Variants in GALNT2 observed in about 807,000 individuals in gnomAD.
GALNT2 encodes UDP-GalNAc:polypeptide N-acetylgalactosaminyltransferase 2.
GALNT2 carries 31 observed loss-of-function variants against 81.4 expected under a neutral mutation model. The ratio of observed to expected loss-of-function variants is 0.38; its 90% CI spans 0.29 to 0.51. The LOEUF (loss-of-function observed/expected upper bound fraction) is 0.51. Among genes scored for constraint, GALNT2 ranks in the 20% least tolerant of loss-of-function variants. The pLI, the probability that GALNT2 is intolerant of heterozygous loss-of-function variation, is 0.87. For missense variants in GALNT2, 629 were observed against 765.7 expected, an observed-to-expected ratio of 0.82 and a Z score of 2.11; for synonymous variants, 303 against 287.4, an observed-to-expected ratio of 1.05 and a Z score of -0.55.
At chr1:230,206,692 C>T (rs1313076134) in intron 3 of GALNT2, among the ~76,000 whole-genome samples, 1 of 152,166 alleles carries the variant, frequency 6.6e-6, no homozygotes, top group Non-Finnish European at 1.5e-5. Flanking sequence ...GAAATTCTTG[C>T]ACAGTAGAAT....
At chr1:230,262,212 A>C in intron 11 of GALNT2, 1 of 206,796 alleles carries the variant, frequency 4.8e-6, no homozygotes. Flanking sequence ...GTGGACGCGT[A>C]ATGTGAGAGT....
At chr1:230,176,132 G>A (rs1053406938) in intron 1 of GALNT2, among the ~76,000 whole-genome samples, 3 of 152,218 alleles carry the variant, frequency 2.0e-5, no homozygotes, top group Non-Finnish European at 4.4e-5. Flanking sequence ...TAGTTTTATA[G>A]TAGGCATCGT....
intron 1 of GALNT2, among the ~76,000 whole-genome samples, chr1:230,089,206 G>C (rs192048835): frequency 1.9e-4 from 29 of 151,256 alleles, no homozygotes; most frequent in African/African-American, 6.6e-4. Context: ...GAGTGCAATG[G>C]TGTGATCTCG....
At chr1:230,185,630 G>C (rs1216053105) in intron 2 of GALNT2, among the ~76,000 whole-genome samples, 3 of 152,190 alleles carry the variant, frequency 2.0e-5, no homozygotes, top group Non-Finnish European at 4.4e-5. Flanking sequence ...TTTAGTCCCT[G>C]TTTAAATAGT....
At chr1:230,063,880 G>A (rs957594287), upstream of GALNT2, among the ~76,000 whole-genome samples, 3 of 152,164 alleles carry the variant, frequency 2.0e-5, no homozygotes, top group African/African-American at 4.8e-5. Flanking sequence ...ATTTTAAAGG[G>A]TGAACTGAGC....
chr1:230,114,403 C>T (rs557223515), intron 1 of GALNT2, among the ~76,000 whole-genome samples: 1 of 152,296 alleles, frequency 6.6e-6, no homozygotes, highest in East Asian at 1.9e-4. Flanking sequence ...ATTTCACTGG[C>T]GAAATTCAGT....
chr1:230,213,727 G>A lies in GALNT2; in HGVS notation c.374+10437G>A, dbSNP rs149006535. 3.3e-3 allele frequency among the ~76,000 whole-genome samples: 501 copies of A among 152,170 alleles called. 4 individuals are homozygous for A. Among genetic ancestry groups the A allele is most frequent in the African/African-American group, 0.012 (480 of 41,522 alleles). On this transcript the variant is annotated intron_variant, in intron 3 of 15. Coordinates refer to ENST00000366672, the MANE Select transcript of GALNT2 (RefSeq NM_004481.5). ...TTCTTTTTCCCTTGCATCCTCCTAC[G>A]TTTTTTCTTCTCTGTTGGTTTGCTA...
Position 230,280,348 on chromosome 1 carries a change from C to T in GALNT2, c.*890C>T. 1 of 266,470 alleles carries T rather than the reference C, an allele frequency of 3.8e-6. No individual in the cohort carries two copies. Among genetic ancestry groups the T allele is most frequent in the Non-Finnish European group, 7.5e-6 (1 of 133,146 alleles). The allele number at this position is 266,470 out of a possible 1,614,324, so 16.5% of individuals were successfully genotyped here. A position where few individuals can be genotyped will look rare whatever the true frequency, so the allele number is the denominator to read the frequency against. On this transcript the variant is annotated 3_prime_UTR_variant, in exon 16 of 16. Coordinates refer to ENST00000366672, the MANE Select transcript of GALNT2 (RefSeq NM_004481.5). ...AGAGTCCCTACTGTGCGTCAGAATC[C>T]ACCTTGCGTGCTGTGCGTATCTGTG...
Position 230,275,028 on chromosome 1 carries a change from G to A in GALNT2, c.1560+464G>A, listed in dbSNP as rs576890411. 7.0e-4 allele frequency among the ~76,000 whole-genome samples: 102 copies of A among 145,414 alleles called. No homozygotes were observed. Among genetic ancestry groups the A allele is most frequent in the Middle Eastern group, 4.1e-3 (1 of 246 alleles). On this transcript the variant is annotated intron_variant, in intron 15 of 15. Transcript: ENST00000366672. This position sits in a 1 kb window ranked among gnomAD's most constrained non-coding sequence, Gnocchi z 5.5. The stretch of plus-strand genomic sequence containing the variant: ...ATGCCACATATATACATATATACAC[G>A]CCACATATATACACATATATACATG...
In GALNT2 at chr1:230,279,271, C is replaced by A. The variant is rs1437693732; in HGVS notation, c.1561-32C>A. ...CTGTTTGTACTCCTTTGCTTGTGCC[C>A]ACACTCTAAGGCACTCTCCTGTGTC... On this transcript the variant is annotated intron_variant, in intron 15 of 15. Transcript: ENST00000366672. This position sits in a 1 kb window ranked among gnomAD's most constrained non-coding sequence, Gnocchi z 4.6. 1.9e-6 allele frequency: 3 copies of A among 1,595,806 alleles called. No individual in the cohort carries two copies. The highest frequency in any genetic ancestry group is 1.7e-6 in the Non-Finnish European group (2 of 1,167,044).
At chr1:230,150,167 T>A (rs545116742) in intron 1 of GALNT2, among the ~76,000 whole-genome samples, 9 of 152,336 alleles carry the variant, frequency 5.9e-5, no homozygotes, top group African/African-American at 2.2e-4. Flanking sequence ...AGACATGCAC[T>A]GGCTCCGCCC....
intron 2 of GALNT2, among the ~76,000 whole-genome samples, chr1:230,200,795 C>A (rs1663868250): frequency 1.3e-5 from 2 of 152,308 alleles, no homozygotes; most frequent in South Asian, 4.1e-4. Context: ...TGAAACCTCT[C>A]TCGGGTGGTG....
At chr1:230,177,922 CAA>C (rs1057192757) in intron 1 of GALNT2, among the ~76,000 whole-genome samples, 1 of 152,204 alleles carries the variant, frequency 6.6e-6, no homozygotes, top group Admixed American at 6.5e-5. Context: ...CACAAATCCC[CAA>C]AGCCCTGGGA....
At position 230,269,203 on chromosome 1, in the gene GALNT2, TGAGACGGAGTTTGGCTGTG is replaced by T. The variant is rs1666110192; in HGVS notation, c.1440+3837_1440+3855del. 3.4e-5 allele frequency among the ~76,000 whole-genome samples: 5 copies of T among 148,322 alleles called. No homozygotes were observed. The South Asian group carries it at 1.1e-3, about 32-fold the overall frequency. On this transcript the variant is annotated intron_variant, in intron 14 of 15. Coordinates refer to ENST00000366672, the MANE Select transcript of GALNT2 (RefSeq NM_004481.5). ...GTTGCCCAGGCTTTTTTTTTTTTTTTGAGACGGAGTTTGGCTGTGTTGCCCAGGCTGGAGTGCAGTGGTG... is the reference window on the plus strand; with the variant it reads ...GTTGCCCAGGCTTTTTTTTTTTTTTTTTGCCCAGGCTGGAGTGCAGTGGTG...
At chr1:230,233,891 A>G (rs1226590842) in intron 3 of GALNT2, among the ~76,000 whole-genome samples, 3 of 152,180 alleles carry the variant, frequency 2.0e-5, no homozygotes, top group Admixed American at 6.5e-5. Flanking sequence ...TTAGAAGAGT[A>G]AATGATGTTT....
chr1:230,082,786 A>G (rs1659776287), intron 1 of GALNT2, among the ~76,000 whole-genome samples: 1 of 152,084 alleles, frequency 6.6e-6, no homozygotes, highest in African/African-American at 2.4e-5. Flanking sequence ...CATCAGGGGA[A>G]CTTGCAGAGA....
chr1:230,214,370 C>T (rs1664324256), intron 3 of GALNT2, among the ~76,000 whole-genome samples: 1 of 152,186 alleles, frequency 6.6e-6, no homozygotes, highest in African/African-American at 2.4e-5. Context: ...CCCCAGCCTC[C>T]CAAAGTGCTG....
chr1:230,264,001 CT>C (rs1482773311), intron 13 of GALNT2: 3 of 152,294 alleles, frequency 2.0e-5, no homozygotes, highest in Admixed American at 6.5e-5. Flanking sequence ...CCCATGCCCC[CT>C]AGGAGGAGAA....
intron 1 of GALNT2, among the ~76,000 whole-genome samples, chr1:230,155,094 C>G (rs890157549): frequency 1.3e-5 from 2 of 152,150 alleles, no homozygotes; most frequent in East Asian, 3.9e-4. Context: ...GGCTGCCCCG[C>G]GCCGCATGCA....
Sources: allele counts gnomAD v4.1 joint callset (sites outside exome capture counted in the v4.1 genomes callset), GRCh38; gene constraint gnomAD v4.1.1; non-coding constraint Gnocchi (gnomAD v3.1); transcripts MANE v1.5; gene names NCBI Gene and HGNC (gene_info 2026-07-23, HGNC 2026-07-21).